Variants in SOHLH1 observed in about 807,000 individuals in gnomAD.
SOHLH1 encodes the protein spermatogenesis- and oogenesis-specific basic helix-loop-helix-containing protein 1.
Under a neutral mutation model 36.2 loss-of-function variants are expected in SOHLH1, and 23 were observed. The ratio of observed to expected loss-of-function variants is 0.64; its 90% CI spans 0.46 to 0.90. The LOEUF is 0.90. SOHLH1 is among the 40% of genes least tolerant of loss of function. The pLI, the probability that SOHLH1 is intolerant of heterozygous loss-of-function variation, is 0.00. For synonymous variants in SOHLH1, 289 were observed against 228.3 expected, an observed-to-expected ratio of 1.27 and a Z score of -2.40; for missense variants, 608 against 517.0, an observed-to-expected ratio of 1.18 and a Z score of -1.71.
At chr9:135,700,173 C>T (rs1224523317), upstream of SOHLH1, among the ~76,000 whole-genome samples, 6 of 152,222 alleles carry the variant, frequency 3.9e-5, no homozygotes, top group East Asian at 3.9e-4. Context: ...GCACCATCCC[C>T]GCTTTATGCC....
intron 5 of SOHLH1, among the ~76,000 whole-genome samples, 162 bp from the exon 6 acceptor site, chr9:135,695,425 G>C (rs555432506): frequency 1.5e-4 from 23 of 152,264 alleles, no homozygotes; most frequent in African/African-American, 5.3e-4. Flanking sequence ...CTCAGAAGCG[G>C]GTGGCACACA....
intron 5 of SOHLH1, among the ~76,000 whole-genome samples, chr9:135,696,059 G>T (rs1000371854): frequency 6.7e-6 from 1 of 149,174 alleles, no homozygotes; most frequent in Non-Finnish European, 1.5e-5. Flanking sequence ...AACCAGGATG[G>T]GGCCGAGTCC....
chr9:135,694,812 G>A (rs1004218491), intron 6 of SOHLH1, among the ~76,000 whole-genome samples: 1 of 148,006 alleles, frequency 6.8e-6, no homozygotes, highest in Admixed American at 6.8e-5. Flanking sequence ...CAAAACAAAT[G>A]ACAATTAGGA....
At position 135,696,259 on chromosome 9, in the gene SOHLH1, G is replaced by C. The variant is rs546277731; in HGVS notation, c.661+353C>G. Among the ~76,000 whole-genome samples, 4 of 152,192 alleles carry C rather than the reference G, an allele frequency of 2.6e-5. No homozygotes were observed. In the East Asian group the frequency reaches 7.7e-4, roughly 29 times the overall value. ...GTCCCCATGCTTCCCAGCAGACCCAGGGACCCAGGGAGGAGAAGATCAGGC... is the reference window on the plus strand; with the variant it reads ...GTCCCCATGCTTCCCAGCAGACCCACGGACCCAGGGAGGAGAAGATCAGGC... On this transcript the variant is annotated intron_variant, in intron 5 of 7. Coordinates refer to ENST00000425225, the MANE Select transcript of SOHLH1 (RefSeq NM_001101677.2).
intron 1 of SOHLH1, 49 bp downstream of exon 1, chr9:135,699,354 G>C (rs761041304): frequency 1.9e-6 from 3 of 1,577,572 alleles, no homozygotes; most frequent in Non-Finnish European, 2.6e-6. Context: ...GAACCCCTGG[G>C]TACAGGCCTT....
At chr9:135,700,962 CGT>C (rs1835012782), upstream of SOHLH1, among the ~76,000 whole-genome samples, 1 of 152,220 alleles carries the variant, frequency 6.6e-6, no homozygotes. Flanking sequence ...GTTGACAACA[CGT>C]GTAATTACTG....
intron 2 of SOHLH1, among the ~76,000 whole-genome samples, chr9:135,698,787 A>C (rs1163585782): frequency 1.3e-5 from 2 of 152,218 alleles, no homozygotes; most frequent in Non-Finnish European, 2.9e-5. Flanking sequence ...CAGCCTCAAG[A>C]GGCCAAGGCT....
At chr9:135,695,983 G>A (rs1007439463) in intron 5 of SOHLH1, among the ~76,000 whole-genome samples, 14 of 152,302 alleles carry the variant, frequency 9.2e-5, no homozygotes, top group Admixed American at 5.2e-4. Flanking sequence ...ACAGATCTCC[G>A]GCCACATCCA....
chr9:135,695,465 G>A (rs1024564242), intron 5 of SOHLH1, among the ~76,000 whole-genome samples: 7 of 152,038 alleles, frequency 4.6e-5, no homozygotes, highest in African/African-American at 1.7e-4. Context: ...AACACCCAGA[G>A]GTGGGGTGCC....
At position 135,696,744 on chromosome 9, in the gene SOHLH1, G is replaced by A. The variant is rs201142743; in HGVS notation, c.529C>T (p.Pro177Ser). Reference protein sequence around the residue: ...PWSLDPASASPEPVPHILASS... With the variant: ...PWSLDPASASSEPVPHILASS... ...GCAAGGATGTGCGGCACGGGCTCTG[G>A]GCTGGCCGACGCTGGATCCAGGGAC... is the stretch of plus-strand genomic sequence containing the variant. Residue 177 changes from proline to serine, a missense_variant, in exon 5 of 8, where the codon CCA (proline) becomes TCA (serine). Coordinates refer to ENST00000425225, the MANE Select transcript of SOHLH1 (RefSeq NM_001101677.2). 6.2e-7 allele frequency: 1 copy of A among 1,612,978 alleles called. No individual in the cohort carries two copies. Among genetic ancestry groups the A allele is most frequent in the East Asian group, 2.2e-5 (1 of 44,898 alleles).
Position 135,694,409 on chromosome 9 carries a change from A to G in SOHLH1, c.924T>C (p.Thr308=). The change falls in exon 7 of 8, where the codon ACT becomes ACC. Residue 308 remains threonine (T), a synonymous_variant. Transcript: ENST00000425225. ...DVDDGTSFLL[T]AGPSSWPGSL... The stretch of plus-strand genomic sequence containing the variant: ...CACCCGGCCACGAGCTGGGACCAGC[A>G]GTCAGCAGGAAGGACGTCCCATCGT... 6.2e-7 allele frequency: 1 copy of G among 1,613,260 alleles called. No homozygotes were observed. Among genetic ancestry groups the G allele is most frequent in the South Asian group, 1.1e-5 (1 of 91,072 alleles).
In SOHLH1 at chr9:135,693,476, C is replaced by G; in HGVS notation, c.*121G>C. 1 of 1,339,042 alleles carries G rather than the reference C, an allele frequency of 7.5e-7. No individual in the cohort carries two copies. The highest frequency in any genetic ancestry group is 1.5e-5 in the African/African-American group (1 of 67,974). 82.9% of individuals were successfully genotyped at this position (1,339,042 alleles called of 1,614,324 possible). A position where few individuals can be genotyped will look rare whatever the true frequency, so the allele number is the denominator to read the frequency against. ...TATCCTCTTCTCACAGCCTGTAAGC[C>G]TCGCTCAAATTAGGGTGCAGCTGCA... On this transcript the variant is annotated 3_prime_UTR_variant, in exon 8 of 8. Coordinates refer to ENST00000425225, the MANE Select transcript of SOHLH1 (RefSeq NM_001101677.2).
chr9:135,700,993 A>G (rs1835014014), upstream of SOHLH1, among the ~76,000 whole-genome samples: 1 of 152,244 alleles, frequency 6.6e-6, no homozygotes, highest in Non-Finnish European at 1.5e-5. Context: ...TCACAGATGC[A>G]GATGGTGCGG....
intron 2 of SOHLH1, 54 bp downstream of exon 2, chr9:135,698,941 C>T (rs1834918205): frequency 6.2e-7 from 1 of 1,610,200 alleles, no homozygotes; most frequent in African/African-American, 1.3e-5. Flanking sequence ...AACATAATCT[C>T]ACCCGCTCCA....
At chr9:135,698,926 C>G (rs1471082163) in intron 2 of SOHLH1, 69 bp downstream of exon 2, 10 of 1,606,732 alleles carry the variant, frequency 6.2e-6, no homozygotes, top group Non-Finnish European at 8.5e-6. Context: ...CTGGTGGCAG[C>G]CCCGAACATA....
chr9:135,695,053 G>T lies in SOHLH1; in HGVS notation c.872C>A (p.Ala291Asp), dbSNP rs868231548. The change falls in exon 6 of 8, where the codon GCC becomes GAC. Residue 291 changes from alanine to aspartate, a missense_variant. Transcript: ENST00000425225. ...AKEDPMLAQE[A>D]GSALGSDVDD... ...TGCACACCACCTGGGCACTCACCCG[G>T]CCTCCTGCGCCAGCATGGGGTCCTC... 5.0e-6 allele frequency: 8 copies of T among 1,591,536 alleles called. No homozygotes were observed. In the African/African-American group the frequency reaches 6.7e-5, roughly 13 times the overall value.
intron 2 of SOHLH1, 143 bp from the exon 3 acceptor site, chr9:135,698,619 T>A: frequency 8.0e-7 from 1 of 1,244,416 alleles, no homozygotes; most frequent in Admixed American, 2.0e-5. Flanking sequence ...GCCCCCGTGG[T>A]CTGAAGCCCC....
At position 135,693,446 on chromosome 9, in the gene SOHLH1, T is replaced by A. The variant is rs1300122545; in HGVS notation, c.*151A>T. The stretch of plus-strand genomic sequence containing the variant: ...GGAAAACTGCTTTCCCTCTTTAATA[T>A]TCACTATCCTCTTCTCACAGCCTGT... On this transcript the variant is annotated 3_prime_UTR_variant, in exon 8 of 8. Coordinates refer to ENST00000425225, the MANE Select transcript of SOHLH1 (RefSeq NM_001101677.2). 1.8e-6 allele frequency: 2 copies of A among 1,110,938 alleles called. No individual in the cohort carries two copies. The highest frequency in any genetic ancestry group is 2.9e-5 in the Admixed American group (1 of 33,970). The allele number at this position is 1,110,938 out of a possible 1,614,324, so 68.8% of individuals were successfully genotyped here.
chr9:135,698,860 T>C (rs1247381273), intron 2 of SOHLH1, 135 bp downstream of exon 2: 2 of 1,248,910 alleles, frequency 1.6e-6, no homozygotes, highest in Non-Finnish European at 2.3e-6. Flanking sequence ...CTTGGAGATG[T>C]GCAGTCTGTC....
Sources: gnomAD v4.1 joint callset for allele counts (sites outside exome capture counted in the v4.1 genomes callset) on GRCh38, gnomAD v4.1.1 for gene constraint, MANE v1.5 for transcripts, NCBI Gene and HGNC (gene_info 2026-07-23, HGNC 2026-07-21) for gene names.